The following CADM2 variants were observed in gnomAD, a reference collection of about 807,000 sequenced individuals.
CADM2 encodes immunoglobulin superfamily member 4D.
CADM2 carries 12 observed loss-of-function variants against 49.8 expected under a neutral mutation model. The observed-to-expected ratio is 0.24, with a 90% confidence interval of 0.15 to 0.39. The LOEUF (loss-of-function observed/expected upper bound fraction) is 0.39, where lower values mean the gene tolerates loss of function less well. Ranked by LOEUF, CADM2 falls within the 10% of genes least tolerant of loss-of-function variation. CADM2 has a pLI of 1.00. For synonymous variants in CADM2, 214 were observed against 175.4 expected, an observed-to-expected ratio of 1.22 and a Z score of -1.74; for missense variants, 378 against 492.3, an observed-to-expected ratio of 0.77 and a Z score of 2.20.
chr3:85,239,989 CT>C, intron 1 of CADM2, among the ~76,000 whole-genome samples: 1 of 151,358 alleles, frequency 6.6e-6, no homozygotes, highest in Middle Eastern at 3.5e-3. Context: ...GGGAAAGTAT[CT>C]TTATAGTAAG....
At position 85,049,888 on chromosome 3, in the gene CADM2, T is replaced by C. The variant is rs547111987; in HGVS notation, c.61+90220T>C. Among the ~76,000 whole-genome samples, 598 of 152,278 alleles carry C rather than the reference T, an allele frequency of 3.9e-3. 5 individuals are homozygous for C. Among genetic ancestry groups the C allele is most frequent in the Admixed American group, 9.7e-3 (148 of 15,280 alleles). ...TCAGTAATTTAATATCACATTTTTT[T>C]CCCTTATACTCAGGCTGCTACATTT... On this transcript the variant is annotated intron_variant, in intron 1 of 9. Coordinates refer to ENST00000383699, the MANE Select transcript of CADM2 (RefSeq NM_001167675.2).
intron 3 of CADM2, among the ~76,000 whole-genome samples, chr3:85,879,622 C>T (rs145221174): frequency 6.6e-6 from 1 of 152,132 alleles, no homozygotes; most frequent in Non-Finnish European, 1.5e-5. Context: ...CTTTGATATC[C>T]TAACTGTTCT....
intron 1 of CADM2, among the ~76,000 whole-genome samples, chr3:85,015,973 T>C (rs894893112): frequency 3.3e-5 from 5 of 152,176 alleles, no homozygotes; most frequent in Admixed American, 2.0e-4. Flanking sequence ...GTAGGAATGA[T>C]TTTTAAATAC....
At chr3:85,256,732 G>A (rs2042893571) in intron 1 of CADM2, among the ~76,000 whole-genome samples, 1 of 152,094 alleles carries the variant, frequency 6.6e-6, no homozygotes, top group South Asian at 2.1e-4. Flanking sequence ...AAGCTCAACT[G>A]CATGTTTAGC....
At chr3:85,810,216 G>A (rs1182936577) in intron 3 of CADM2, among the ~76,000 whole-genome samples, 4 of 152,204 alleles carry the variant, frequency 2.6e-5, no homozygotes, top group East Asian at 3.9e-4. Flanking sequence ...TATGTAAATT[G>A]ACATCTCTTT....
At chr3:85,582,387 A>G (rs915097407) in intron 1 of CADM2, among the ~76,000 whole-genome samples, 1 of 152,210 alleles carries the variant, frequency 6.6e-6, no homozygotes, top group Non-Finnish European at 1.5e-5. Flanking sequence ...TAACTGATTC[A>G]TTGATCTGCT....
intron 1 of CADM2, among the ~76,000 whole-genome samples, chr3:85,501,028 T>C (rs1278033678): frequency 2.6e-5 from 4 of 152,318 alleles, no homozygotes; most frequent in African/African-American, 9.6e-5. Context: ...ACAGAAATTA[T>C]TAAAACCATT....
chr3:85,469,145 C>G (rs1367062394), intron 1 of CADM2, among the ~76,000 whole-genome samples: 1 of 152,170 alleles, frequency 6.6e-6, no homozygotes, highest in Non-Finnish European at 1.5e-5. Flanking sequence ...CATACCACAG[C>G]CTCTGCTAAA....
At chr3:85,544,952 G>T (rs1220888353) in intron 1 of CADM2, among the ~76,000 whole-genome samples, 2 of 152,100 alleles carry the variant, frequency 1.3e-5, no homozygotes, top group Non-Finnish European at 2.9e-5. Context: ...CTCCTAAATC[G>T]ATAACTTTGC....
chr3:85,978,964 G>C lies in CADM2; in HGVS notation c.970+17317G>C, dbSNP rs545704800. Among the ~76,000 whole-genome samples, 23 of 151,532 alleles carry C rather than the reference G, an allele frequency of 1.5e-4. 1 individual carries two copies. Among genetic ancestry groups the C allele is most frequent in the Non-Finnish European group, 2.7e-4 (18 of 67,766 alleles). The stretch of plus-strand genomic sequence containing the variant: ...TGCTTACTCTCAAACATTGCTCCAA[G>C]TCTTTGCTTTGTGTTGGAGCATGAA... On this transcript the variant is annotated intron_variant, in intron 8 of 9. Transcript: ENST00000383699.
intron 8 of CADM2, among the ~76,000 whole-genome samples, chr3:86,059,245 T>G (rs1474912005): frequency 6.6e-6 from 1 of 152,126 alleles, no homozygotes; most frequent in Non-Finnish European, 1.5e-5. Context: ...GACTAGACCC[T>G]TGATAGAAAC....
intron 2 of CADM2, among the ~76,000 whole-genome samples, chr3:85,776,819 T>A (rs1577287110): frequency 6.6e-6 from 1 of 152,120 alleles, no homozygotes; most frequent in Non-Finnish European, 1.5e-5. Flanking sequence ...TTATATATAT[T>A]TTTTGTAAAT....
intron 1 of CADM2, among the ~76,000 whole-genome samples, chr3:85,412,590 G>C (rs937282033): frequency 9.3e-5 from 14 of 151,260 alleles, no homozygotes; most frequent in Admixed American, 4.0e-4. Context: ...AAAAGTCATG[G>C]TTACATCAAC....
chr3:85,692,760 A>AT (rs1458147293), intron 1 of CADM2, among the ~76,000 whole-genome samples: 6 of 152,270 alleles, frequency 3.9e-5, no homozygotes, highest in African/African-American at 1.2e-4. Context: ...GGTCATTATA[A>AT]TTTTTTTATC....
intron 1 of CADM2, among the ~76,000 whole-genome samples, chr3:84,970,807 A>G (rs2107088117): frequency 6.6e-6 from 1 of 152,102 alleles, no homozygotes; most frequent in African/African-American, 2.4e-5. Context: ...TGCAGAATAA[A>G]CCTTCTCTAA....
intron 1 of CADM2, among the ~76,000 whole-genome samples, chr3:85,151,592 T>C (rs9818067): frequency 0.1 from 15,257 of 152,216 alleles, 969 homozygotes; most frequent in African/African-American, 0.18. Flanking sequence ...AATCAACTTC[T>C]TATCTTCATT....
intron 1 of CADM2, among the ~76,000 whole-genome samples, chr3:85,581,702 G>A (rs1434716315): frequency 6.6e-6 from 1 of 151,902 alleles, no homozygotes; most frequent in Non-Finnish European, 1.5e-5. Context: ...GGAAAACTGG[G>A]CTATCATTTC....
At chr3:85,468,286 C>T (rs2038610109) in intron 1 of CADM2, among the ~76,000 whole-genome samples, 1 of 151,758 alleles carries the variant, frequency 6.6e-6, no homozygotes, top group Non-Finnish European at 1.5e-5. Context: ...CTCTGGTTGC[C>T]TCCCCCGTAG....
At chr3:85,391,468 A>G (rs1388984123) in intron 1 of CADM2, among the ~76,000 whole-genome samples, 1 of 152,020 alleles carries the variant, frequency 6.6e-6, no homozygotes, top group Non-Finnish European at 1.5e-5. Context: ...CGGAATAGTA[A>G]GACTGCTATA....
Sources: gnomAD v4.1 joint callset for allele counts (sites outside exome capture counted in the v4.1 genomes callset) on GRCh38, gnomAD v4.1.1 for gene constraint, MANE v1.5 for transcripts, NCBI Gene and HGNC (gene_info 2026-07-23, HGNC 2026-07-21) for gene names.